Variants in TGFB2 observed in about 807,000 individuals in gnomAD.
TGFB2 encodes the protein transforming growth factor beta 2.
TGFB2 carries 13 observed loss-of-function variants against 42.7 expected under a neutral mutation model. The observed-to-expected ratio is 0.30, with a 90% confidence interval of 0.20 to 0.48. The LOEUF (loss-of-function observed/expected upper bound fraction) is 0.48. Among genes scored for constraint, TGFB2 ranks in the 20% least tolerant of loss-of-function variants. The probability of loss-of-function intolerance (pLI) is 0.99; values close to 1 mark genes in which losing one functional copy is unlikely to be tolerated. For synonymous variants in TGFB2, 193 were observed against 193.6 expected (o/e 1.00, Z 0.03); for missense variants, 390 against 517.5 (o/e 0.75, Z 2.39).
intron 1 of TGFB2, among the ~76,000 whole-genome samples, chr1:218,379,257 T>C (rs933794425): frequency 4.0e-5 from 6 of 151,498 alleles, no homozygotes; most frequent in East Asian, 2.0e-4. Flanking sequence ...CTCAGCCTCC[T>C]GAGTAGCTGG....
In TGFB2 at chr1:218,410,771, T is replaced by C. The variant is rs988862937; in HGVS notation, c.510+5439T>C. Among the ~76,000 whole-genome samples, 5 of 152,378 alleles carry C rather than the reference T, an allele frequency of 3.3e-5. No homozygotes were observed. In the East Asian group the frequency reaches 9.6e-4, roughly 29 times the overall value. On this transcript the variant is annotated intron_variant, in intron 2 of 6. Coordinates refer to ENST00000366930, the MANE Select transcript of TGFB2 (RefSeq NM_003238.6). Reference sequence around the variant, plus strand: ...GCATTCAAACCCATGATAGTTGTTATAGCTCTCAGCCCATTTGTAAATTTG... The same window carrying C: ...GCATTCAAACCCATGATAGTTGTTACAGCTCTCAGCCCATTTGTAAATTTG...
chr1:218,416,877 CCG>C (rs1233632751), intron 2 of TGFB2, among the ~76,000 whole-genome samples: 3 of 152,154 alleles, frequency 2.0e-5, no homozygotes, highest in Non-Finnish European at 4.4e-5. Context: ...AGGTGGTCCC[CCG>C]CACAAGCTCT....
chr1:218,346,779 A>C lies in TGFB2; in HGVS notation c.78A>C (p.Thr26=), dbSNP rs755643964. 1 of 1,614,012 alleles carries C rather than the reference A, an allele frequency of 6.2e-7. No individual in the cohort carries two copies. The highest frequency in any genetic ancestry group is 1.7e-5 in the Admixed American group (1 of 60,004). Residue 26 remains threonine (T), a synonymous_variant, in exon 1 of 7, where the codon ACA becomes ACC. Transcript: ENST00000366930. The surrounding 1 kb of genome is among the most constrained non-coding windows in gnomAD (Gnocchi z 4.9). ...CGCTCAGCCTGTCTACCTGCAGCAC[A>C]CTCGATATGGACCAGTTCATGCGCA... The part of the protein sequence containing the change: ...TVALSLSTCS[T]LDMDQFMRKR...
chr1:218,434,949 T>C (rs987767194), intron 4 of TGFB2, among the ~76,000 whole-genome samples: 1 of 152,160 alleles, frequency 6.6e-6, no homozygotes, highest in African/African-American at 2.4e-5. Context: ...TTCAAGTGGG[T>C]TCCTTATCAG....
intron 1 of TGFB2, among the ~76,000 whole-genome samples, chr1:218,357,681 T>C (rs1299036805): frequency 1.3e-5 from 2 of 152,208 alleles, no homozygotes; most frequent in Non-Finnish European, 2.9e-5. Flanking sequence ...TATTGTAAAG[T>C]CCAAACCTTC....
At chr1:218,361,244 C>T (rs540582985) in intron 1 of TGFB2, among the ~76,000 whole-genome samples, 1 of 152,324 alleles carries the variant, frequency 6.6e-6, no homozygotes, top group African/African-American at 2.4e-5. Flanking sequence ...ATGGTCTTAA[C>T]TTCTAAGGCA....
chr1:218,399,364 T>C (rs1658636008), intron 1 of TGFB2, among the ~76,000 whole-genome samples: 1 of 152,216 alleles, frequency 6.6e-6, no homozygotes, highest in South Asian at 2.1e-4. Context: ...AAGTATTTCA[T>C]GTATCACATG....
At position 218,392,900 on chromosome 1, in the gene TGFB2, G is replaced by A. The variant is rs78879124; in HGVS notation, c.347-12269G>A. Among the ~76,000 whole-genome samples, 785 of 152,274 alleles carry A rather than the reference G, an allele frequency of 5.2e-3. 11 individuals are homozygous for A. Among genetic ancestry groups the A allele is most frequent in the African/African-American group, 0.017 (710 of 41,554 alleles). Reference sequence around the variant, plus strand: ...TTGCAATCCTAGCAGGGTGTGCCCCGCCACTTATTAGCTTAAGCTTTAGGG... The same window carrying A: ...TTGCAATCCTAGCAGGGTGTGCCCCACCACTTATTAGCTTAAGCTTTAGGG... On this transcript the variant is annotated intron_variant, in intron 1 of 6. Coordinates refer to ENST00000366930, the MANE Select transcript of TGFB2 (RefSeq NM_003238.6).
chr1:218,367,396 T>C (rs886939262), intron 1 of TGFB2, among the ~76,000 whole-genome samples: 3 of 152,182 alleles, frequency 2.0e-5, no homozygotes, highest in Admixed American at 2.0e-4. Context: ...CCAGAGGCAT[T>C]AGAGCAGGCA....
intron 1 of TGFB2, among the ~76,000 whole-genome samples, chr1:218,347,702 A>G (rs1379761811): frequency 6.6e-6 from 1 of 152,076 alleles, no homozygotes; most frequent in Non-Finnish European, 1.5e-5. Flanking sequence ...TCCTATAACC[A>G]CGTTCCCTTT....
chr1:218,393,875 G>A (rs1352341977), intron 1 of TGFB2, among the ~76,000 whole-genome samples: 2 of 151,752 alleles, frequency 1.3e-5, no homozygotes. Flanking sequence ...CATGCTCATG[G>A]GCTCTGAGAC....
intron 2 of TGFB2, 142 bp from the exon 3 acceptor site, chr1:218,433,940 A>G (rs1659885821): frequency 3.6e-6 from 4 of 1,104,732 alleles, no homozygotes; most frequent in Non-Finnish European, 5.2e-6. Context: ...GCATGTGACC[A>G]TGCAATTGAG....
intron 1 of TGFB2, among the ~76,000 whole-genome samples, chr1:218,366,298 TTC>T (rs756161580): frequency 6.6e-6 from 1 of 151,594 alleles, no homozygotes. Context: ...AAGGTGGTAT[TTC>T]TCTCTCTCTC....
At chr1:218,380,187 C>T (rs2009112) in intron 1 of TGFB2, among the ~76,000 whole-genome samples, 43,596 of 152,142 alleles carry the variant, frequency 0.29, 7,888 homozygotes, top group Non-Finnish European at 0.41. Context: ...TCATTGGAAG[C>T]TCAAGTCGGT....
At chr1:218,405,096 A>T in intron 1 of TGFB2, 73 bp from the exon 2 acceptor site, 2 of 1,466,378 alleles carry the variant, frequency 1.4e-6, no homozygotes, top group Non-Finnish European at 1.8e-6. Context: ...TCTTGGGATT[A>T]TCTCACGCTA....
chr1:218,400,951 G>C (rs1298024749), intron 1 of TGFB2, among the ~76,000 whole-genome samples: 1 of 152,138 alleles, frequency 6.6e-6, no homozygotes, highest in East Asian at 1.9e-4. Flanking sequence ...ATGGCACAGG[G>C]CTGAGGTCCC....
Position 218,441,660 on chromosome 1 carries a change from T to C in TGFB2, c.*298T>C. The C allele has an allele frequency of 4.4e-6, 1 of 226,634 alleles. No individual in the cohort carries two copies. Among genetic ancestry groups the C allele is most frequent in the South Asian group, 9.6e-5 (1 of 10,394 alleles). 14.0% of individuals were successfully genotyped at this position (226,634 alleles called of 1,614,324 possible). A position where few individuals can be genotyped will look rare whatever the true frequency, so the allele number is the denominator to read the frequency against. On this transcript the variant is annotated 3_prime_UTR_variant, in exon 7 of 7. Coordinates refer to ENST00000366930, the MANE Select transcript of TGFB2 (RefSeq NM_003238.6). ...AAAAAATAAACACTGGAAGAATTTATTAGTGTTAATTATGTGAACAACGAC... is the reference window on the plus strand; with the variant it reads ...AAAAAATAAACACTGGAAGAATTTACTAGTGTTAATTATGTGAACAACGAC...
chr1:218,398,902 G>T lies in TGFB2; in HGVS notation c.347-6267G>T, dbSNP rs370904316. 2.6e-5 allele frequency among the ~76,000 whole-genome samples: 4 copies of T among 151,812 alleles called. No individual in the cohort carries two copies. In the East Asian group the frequency reaches 7.8e-4, roughly 30 times the overall value. On this transcript the variant is annotated intron_variant, in intron 1 of 6. Transcript: ENST00000366930. ...GCCTGGATTATTTTAATTTTTTTTA[G>T]AGACAGGTCTCACTCTGTTGCCCAG...
intron 1 of TGFB2, among the ~76,000 whole-genome samples, chr1:218,374,526 C>T (rs1396238561): frequency 1.3e-5 from 2 of 152,214 alleles, no homozygotes; most frequent in Non-Finnish European, 2.9e-5. Flanking sequence ...CTACCAGAAG[C>T]AGTTCTCTGT....
Sources: gnomAD v4.1 joint callset for allele counts (sites outside exome capture counted in the v4.1 genomes callset) on GRCh38, gnomAD v4.1.1 for gene constraint, Gnocchi (gnomAD v3.1) non-coding constraint, MANE v1.5 for transcripts, NCBI Gene and HGNC (gene_info 2026-07-23, HGNC 2026-07-21) for gene names.